ROBO1: variants seen among roughly 807,000 people sequenced by gnomAD.
ROBO1 encodes the protein roundabout homolog 1.
Under a neutral mutation model 195.9 loss-of-function variants are expected in ROBO1, and 149 were observed. The observed-to-expected ratio is 0.76, with a 90% CI of 0.67 to 0.87. The LOEUF (loss-of-function observed/expected upper bound fraction) is 0.87. Among genes scored for constraint, ROBO1 ranks in the 40% least tolerant of loss-of-function variants. The pLI is 0.00. For synonymous variants in ROBO1, 816 were observed against 733.2 expected (o/e 1.11, Z -1.82); for missense variants, 1,933 against 2,068.3 (o/e 0.93, Z 1.27).
chr3:79,374,359 T>A (rs2036308614), intron 2 of ROBO1, among the ~76,000 whole-genome samples: 1 of 152,154 alleles, frequency 6.6e-6, no homozygotes, highest in African/African-American at 2.4e-5. Flanking sequence ...CATGAATATG[T>A]TTTAAAATAG....
chr3:79,551,189 T>G (rs1403249587), intron 2 of ROBO1, among the ~76,000 whole-genome samples: 1 of 151,980 alleles, frequency 6.6e-6, no homozygotes, highest in East Asian at 1.9e-4. Flanking sequence ...TTTTTTAAAT[T>G]TTAATTTTAT....
chr3:79,626,402 A>G (rs1338646334), intron 1 of ROBO1, among the ~76,000 whole-genome samples: 3 of 152,140 alleles, frequency 2.0e-5, no homozygotes, highest in African/African-American at 7.2e-5. Context: ...GTGCCATTGC[A>G]CTCCAGCCTA....
At chr3:79,141,239 C>T (rs2080518354) in intron 2 of ROBO1, among the ~76,000 whole-genome samples, 1 of 152,036 alleles carries the variant, frequency 6.6e-6, no homozygotes, top group Admixed American at 6.6e-5. Context: ...TGCCCTCCCT[C>T]GTGTGTCCTG....
At chr3:79,574,291 G>T (rs543512572) in intron 2 of ROBO1, among the ~76,000 whole-genome samples, 166 of 151,762 alleles carry the variant, frequency 1.1e-3, no homozygotes, top group Non-Finnish European at 1.5e-3. Flanking sequence ...TGGATCACGC[G>T]TTTACATACA....
At chr3:79,381,355 C>CAAA (rs61680946) in intron 2 of ROBO1, among the ~76,000 whole-genome samples, 12 of 60,700 alleles carry the variant, frequency 2.0e-4, no homozygotes, top group African/African-American at 5.4e-4. Context: ...AACTCCGTCT[C>CAAA]AAAAAAAAAA....
At chr3:78,961,473 C>A (rs891959940) in intron 3 of ROBO1, among the ~76,000 whole-genome samples, 2 of 152,160 alleles carry the variant, frequency 1.3e-5, no homozygotes, top group Non-Finnish European at 2.9e-5. Flanking sequence ...TTTAAATTAT[C>A]TCATTTATCT....
chr3:78,714,595 A>C, intron 7 of ROBO1, 71 bp from the exon 8 acceptor site: 1 of 1,402,730 alleles, frequency 7.1e-7, no homozygotes, highest in South Asian at 1.4e-5. Flanking sequence ...TATACACACA[A>C]TGCTTCAAAG....
chr3:78,840,695 A>G (rs2033120125), intron 4 of ROBO1, among the ~76,000 whole-genome samples: 1 of 152,218 alleles, frequency 6.6e-6, no homozygotes, highest in Admixed American at 6.5e-5. Context: ...TAACATAGAA[A>G]GTCAATTTCT....
chr3:79,270,120 G>T (rs1316697230), intron 2 of ROBO1, among the ~76,000 whole-genome samples: 1 of 151,022 alleles, frequency 6.6e-6, no homozygotes, highest in East Asian at 2.0e-4. Context: ...GACATGAAAA[G>T]AAATGCATAA....
chr3:79,678,594 A>C (rs1946852553), intron 1 of ROBO1, among the ~76,000 whole-genome samples: 1 of 152,104 alleles, frequency 6.6e-6, no homozygotes, highest in Admixed American at 6.6e-5. Flanking sequence ...GAAATTCCTT[A>C]GAAATTTTAG....
chr3:79,444,744 T>C (rs2039181837), intron 2 of ROBO1, among the ~76,000 whole-genome samples: 1 of 152,004 alleles, frequency 6.6e-6, no homozygotes, highest in Admixed American at 6.6e-5. Flanking sequence ...ACACATAAAA[T>C]GTAGTATTTT....
intron 2 of ROBO1, among the ~76,000 whole-genome samples, chr3:79,522,668 C>A (rs1391457631): frequency 2.0e-5 from 3 of 152,046 alleles, no homozygotes; most frequent in Non-Finnish European, 2.9e-5. Context: ...GAAATAACAC[C>A]AATAGATTCC....
intron 1 of ROBO1, among the ~76,000 whole-genome samples, chr3:79,761,837 C>T (rs935329796): frequency 6.6e-6 from 1 of 152,162 alleles, no homozygotes; most frequent in South Asian, 2.1e-4. Context: ...CCATATTGAT[C>T]TGACTGAATT....
intron 2 of ROBO1, among the ~76,000 whole-genome samples, chr3:79,164,097 T>A (rs961351361): frequency 1.3e-5 from 2 of 152,104 alleles, no homozygotes; most frequent in Non-Finnish European, 2.9e-5. Flanking sequence ...TTGTGCCAAA[T>A]TTGATATTTA....
At chr3:79,615,186 C>A (rs1344396717) in intron 1 of ROBO1, among the ~76,000 whole-genome samples, 1 of 152,114 alleles carries the variant, frequency 6.6e-6, no homozygotes, top group Admixed American at 6.6e-5. Flanking sequence ...AAGCCTGCTA[C>A]CTGAAGGCTT....
chr3:79,065,911 A>C (rs1281087619), intron 3 of ROBO1, among the ~76,000 whole-genome samples: 1 of 151,934 alleles, frequency 6.6e-6, no homozygotes, highest in Non-Finnish European at 1.5e-5. Flanking sequence ...AAAAACGTAC[A>C]ATTAGAATTT....
intron 1 of ROBO1, among the ~76,000 whole-genome samples, chr3:79,705,699 T>A (rs533490947): frequency 9.2e-5 from 14 of 152,252 alleles, no homozygotes; most frequent in African/African-American, 3.4e-4. Flanking sequence ...AGAATAAGTT[T>A]GAGAATATCT....
chr3:78,980,050 A>C (rs1350933526), intron 3 of ROBO1, among the ~76,000 whole-genome samples: 1 of 152,152 alleles, frequency 6.6e-6, no homozygotes, highest in South Asian at 2.1e-4. Flanking sequence ...ACTTTAATAC[A>C]TGTACAAGCA....
At chr3:79,525,167 A>G (rs1941374795) in intron 2 of ROBO1, among the ~76,000 whole-genome samples, 1 of 151,440 alleles carries the variant, frequency 6.6e-6, no homozygotes, top group Non-Finnish European at 1.5e-5. Flanking sequence ...AAAATTGGAG[A>G]AAGCTATAAT....
Sources: allele counts gnomAD v4.1 joint callset (sites outside exome capture counted in the v4.1 genomes callset), GRCh38; gene constraint gnomAD v4.1.1; transcripts MANE v1.5; gene names NCBI Gene and HGNC (gene_info 2026-07-23, HGNC 2026-07-21).